Variants in PEAK1 observed in about 807,000 individuals in gnomAD.
PEAK1 encodes the protein pseudopodium enriched atypical kinase 1.
Under a neutral mutation model 124.7 loss-of-function variants are expected in PEAK1, and 54 were observed. The ratio of observed to expected loss-of-function variants is 0.43; its 90% CI spans 0.35 to 0.54. The LOEUF is 0.54. Among genes scored for constraint, PEAK1 ranks in the 20% least tolerant of loss-of-function variants. The probability of loss-of-function intolerance (pLI) is 0.01; values close to 1 mark genes in which losing one functional copy is unlikely to be tolerated. For synonymous variants in PEAK1, 719 were observed against 760.0 expected (o/e 0.95, Z 0.89); for missense variants, 2,046 against 2,134.5 (o/e 0.96, Z 0.82).
intron 8 of PEAK1, among the ~76,000 whole-genome samples, chr15:77,149,172 T>C (rs1398544897): frequency 2.0e-5 from 3 of 152,202 alleles, no homozygotes; most frequent in Admixed American, 6.5e-5. Context: ...CTAAATCCCA[T>C]GGATCCGTCA....
At chr15:77,258,342 A>T (rs2061272720) in intron 5 of PEAK1, among the ~76,000 whole-genome samples, 1 of 152,108 alleles carries the variant, frequency 6.6e-6, no homozygotes, top group Admixed American at 6.6e-5. Context: ...CATGATATTG[A>T]TTCTTCCTAC....
intron 8 of PEAK1, among the ~76,000 whole-genome samples, chr15:77,145,650 C>T (rs1458075441): frequency 6.6e-6 from 1 of 152,152 alleles, no homozygotes; most frequent in Non-Finnish European, 1.5e-5. Flanking sequence ...AGGTAGCTCA[C>T]AGAATCTTTT....
intron 1 of PEAK1, among the ~76,000 whole-genome samples, chr15:77,368,208 A>G (rs1367121900): frequency 6.6e-6 from 1 of 152,112 alleles, no homozygotes; most frequent in Non-Finnish European, 1.5e-5. Flanking sequence ...TTGAGCATTT[A>G]TTTACTTAAA....
chr15:77,371,285 T>C, intron 1 of PEAK1: 8 of 939,406 alleles, frequency 8.5e-6, no homozygotes, highest in Non-Finnish European at 1.0e-5. Context: ...GTTGAATTAA[T>C]AATATTGGAA....
chr15:77,345,865 C>T (rs1567288021), intron 2 of PEAK1: 37 of 948,140 alleles, frequency 3.9e-5, no homozygotes, highest in Non-Finnish European at 4.5e-5. Flanking sequence ...AAAATATGTA[C>T]AACAATTACA....
intron 2 of PEAK1, among the ~76,000 whole-genome samples, chr15:77,305,505 C>T (rs1267561189): frequency 6.6e-6 from 1 of 152,090 alleles, no homozygotes; most frequent in African/African-American, 2.4e-5. Context: ...AGAGCTCAGA[C>T]TGAATTACAT....
At chr15:77,348,231 T>A (rs992794389) in intron 2 of PEAK1, 2 of 967,852 alleles carry the variant, frequency 2.1e-6, no homozygotes. Flanking sequence ...CCACCTGTAC[T>A]GGAATCCCAC....
chr15:77,320,917 T>A (rs1246856029), intron 2 of PEAK1, among the ~76,000 whole-genome samples: 1 of 152,124 alleles, frequency 6.6e-6, no homozygotes, highest in Non-Finnish European at 1.5e-5. Context: ...GTGTTTGGTT[T>A]TTTGTCCTTG....
chr15:77,277,155 A>C (rs1460589402), intron 5 of PEAK1, among the ~76,000 whole-genome samples: 1 of 152,226 alleles, frequency 6.6e-6, no homozygotes, highest in African/African-American at 2.4e-5. Context: ...AATAAATAGG[A>C]ATGATTCTTG....
chr15:77,290,952 T>C (rs1287735442), intron 2 of PEAK1, among the ~76,000 whole-genome samples: 1 of 152,214 alleles, frequency 6.6e-6, no homozygotes, highest in Non-Finnish European at 1.5e-5. Context: ...GTATCATTTT[T>C]ATTTTAAGCG....
rs180831669 is a variant in PEAK1 at position 77,200,216 on chromosome 15, T to C, written c.-114-18176A>G. Among the ~76,000 whole-genome samples, 636 of 152,342 alleles carry C rather than the reference T, an allele frequency of 4.2e-3. 5 individuals carry two copies. Among genetic ancestry groups the C allele is most frequent in the African/African-American group, 0.014 (596 of 41,576 alleles). ...ACTTTCACTTAGTCAATAGTAAATATATTCTCTTCCTTATGATTTTCTTAA... is the reference window on the plus strand; with the variant it reads ...ACTTTCACTTAGTCAATAGTAAATACATTCTCTTCCTTATGATTTTCTTAA... On this transcript the variant is annotated intron_variant, in intron 6 of 9. Coordinates refer to ENST00000682557, the MANE Select transcript of PEAK1 (RefSeq NM_001385026.1).
intron 2 of PEAK1, among the ~76,000 whole-genome samples, chr15:77,292,279 T>A (rs1041069740): frequency 3.9e-5 from 6 of 152,202 alleles, no homozygotes; most frequent in African/African-American, 1.4e-4. Context: ...AACCTTGTTT[T>A]ATCTGTATTT....
intron 8 of PEAK1, among the ~76,000 whole-genome samples, chr15:77,147,867 G>A (rs1373381996): frequency 6.6e-6 from 1 of 152,142 alleles, no homozygotes; most frequent in Non-Finnish European, 1.5e-5. Context: ...AGAACTTTGT[G>A]TAACAATGGA....
chr15:77,248,989 T>A (rs1341165744), intron 6 of PEAK1, among the ~76,000 whole-genome samples: 1 of 151,978 alleles, frequency 6.6e-6, no homozygotes, highest in Non-Finnish European at 1.5e-5. Flanking sequence ...TCGGCTAAGT[T>A]TTGTATTTTT....
chr15:77,371,508 TACCACCACCACC>T (rs71145817), intron 1 of PEAK1: 45 of 674,040 alleles, frequency 6.7e-5, no homozygotes, highest in Non-Finnish European at 7.4e-5. Context: ...ACTACACACA[TACCACCACCACC>T]ACCACCACCA....
At chr15:77,286,679 A>G (rs1470576983) in intron 2 of PEAK1, among the ~76,000 whole-genome samples, 175 bp from the exon 3 acceptor site, 4 of 152,214 alleles carry the variant, frequency 2.6e-5, no homozygotes, top group Non-Finnish European at 5.9e-5. Context: ...TGGTTAATAC[A>G]ACAGAAACAT....
At chr15:77,304,707 A>C (rs1394182655) in intron 2 of PEAK1, among the ~76,000 whole-genome samples, 1 of 152,086 alleles carries the variant, frequency 6.6e-6, no homozygotes, top group Non-Finnish European at 1.5e-5. Context: ...TCGGCCTCCC[A>C]AAGTGATGGG....
intron 1 of PEAK1, chr15:77,402,070 G>T (rs77123794): frequency 1.3e-6 from 1 of 765,186 alleles, no homozygotes; most frequent in Non-Finnish European, 1.6e-6. Context: ...GTAGAGGCAT[G>T]CACCTATAAT....
At chr15:77,345,269 G>T (rs2066802339) in intron 2 of PEAK1, among the ~76,000 whole-genome samples, 1 of 152,080 alleles carries the variant, frequency 6.6e-6, no homozygotes. Context: ...TCTTGTCCAA[G>T]GTTTTTTCCG....
Sources: gnomAD v4.1 joint callset for allele counts (sites outside exome capture counted in the v4.1 genomes callset) on GRCh38, gnomAD v4.1.1 for gene constraint, MANE v1.5 for transcripts, NCBI Gene and HGNC (gene_info 2026-07-23, HGNC 2026-07-21) for gene names.